GFOD1: variants seen among roughly 807,000 people sequenced by gnomAD.
The protein encoded by GFOD1 is glucose-fructose oxidoreductase domain-containing protein 1.
In GFOD1, 9 loss-of-function variants were observed where a neutral mutation model predicts 25.4. The ratio of observed to expected loss-of-function variants is 0.35; its 90% confidence interval spans 0.21 to 0.62. The LOEUF is 0.62. Ranked by LOEUF, GFOD1 falls within the 20% of genes least tolerant of loss-of-function variation. The pLI, the probability that GFOD1 is intolerant of heterozygous loss-of-function variation, is 0.72. For missense variants in GFOD1, 403 were observed against 556.9 expected (o/e 0.72, Z 2.78); for synonymous variants, 253 against 245.6 (o/e 1.03, Z -0.28).
In GFOD1 at chr6:13,486,773, C is replaced by T. The variant is rs769250810; in HGVS notation, c.118G>A (p.Glu40Lys). The change falls in exon 1 of 2, where the codon GAG (glutamate) becomes AAG (lysine). Residue 40 changes from glutamate to lysine, a missense_variant. Physicochemically the swap from Glu to Lys is moderately conservative, Grantham distance 56. Transcript: ENST00000379287. Reference protein sequence around the residue: ...ALWGRTQEEAEELAKEMSVPF... With the variant: ...ALWGRTQEEAKELAKEMSVPF... The stretch of plus-strand genomic sequence containing the variant: ...ACACTCATCTCCTTGGCCAGCTCCT[C>T]CGCTTCTTCCTGCGTGCGGCCCCAC... The T allele has an allele frequency of 1.9e-6, 3 of 1,614,172 alleles. No homozygotes were observed. The South Asian group carries it at 3.3e-5, about 18-fold the overall frequency.
At chr6:13,414,906 G>C (rs564232899) in intron 1 of GFOD1, among the ~76,000 whole-genome samples, 12 of 152,310 alleles carry the variant, frequency 7.9e-5, no homozygotes, top group Middle Eastern at 3.4e-3. Flanking sequence ...GTGACTCAAA[G>C]TAAAGGCCAT....
intron 1 of GFOD1, among the ~76,000 whole-genome samples, chr6:13,371,710 CT>C (rs372307740): frequency 1.8e-4 from 27 of 152,346 alleles, no homozygotes; most frequent in African/African-American, 6.5e-4. Context: ...GCAAAGTCCC[CT>C]GGTGCTCTCA....
At position 13,364,845 on chromosome 6, in the gene GFOD1, G is replaced by T; in HGVS notation, c.1071C>A (p.Gly357=). ...VDTIKRSSQT[G]EWQNIAIMTE... ...TCATGATGGCAATGTTCTGCCACTC[G>T]CCCGTCTGGCTGGACCTCTTGATGG... The change falls in exon 2 of 2, where the codon GGC becomes GGA. Residue 357 remains glycine (G), a synonymous_variant. Coordinates refer to ENST00000379287, the MANE Select transcript of GFOD1 (RefSeq NM_018988.4). The surrounding 1 kb of genome is among the most constrained non-coding windows in gnomAD (Gnocchi z 4.1). The T allele has an allele frequency of 6.2e-7, 1 of 1,614,016 alleles. No individual in the cohort carries two copies. Among genetic ancestry groups the T allele is most frequent in the Non-Finnish European group, 8.5e-7 (1 of 1,180,030 alleles).
intron 1 of GFOD1, among the ~76,000 whole-genome samples, chr6:13,449,083 T>C (rs533315597): frequency 3.2e-4 from 48 of 152,264 alleles, no homozygotes; most frequent in African/African-American, 8.9e-4. Context: ...AACCAGGGGT[T>C]TGAGACCAGC....
intron 1 of GFOD1, among the ~76,000 whole-genome samples, chr6:13,384,165 G>T (rs1416117160): frequency 6.6e-6 from 1 of 152,202 alleles, no homozygotes; most frequent in Non-Finnish European, 1.5e-5. Flanking sequence ...GATGGAGGTT[G>T]CAGTGAGCCG....
intron 1 of GFOD1, among the ~76,000 whole-genome samples, chr6:13,440,871 TG>T (rs984212692): frequency 2.0e-5 from 3 of 152,248 alleles, no homozygotes; most frequent in Non-Finnish European, 2.9e-5. Flanking sequence ...GTGTCTGTCC[TG>T]CTCTGGATAC....
chr6:13,439,872 C>A (rs1481114746), intron 1 of GFOD1, among the ~76,000 whole-genome samples: 2 of 152,170 alleles, frequency 1.3e-5, no homozygotes, highest in African/African-American at 4.8e-5. Context: ...TACACCCTTG[C>A]TCTAGGATAC....
chr6:13,396,911 A>G lies in GFOD1; in HGVS notation c.254-31249T>C, dbSNP rs147409302. ...GTTTTAAGCCACTAAATTTGTGACA[A>G]TTTATTACAACAGCAAGGGAAACTC... is the stretch of plus-strand genomic sequence containing the variant. On this transcript the variant is annotated intron_variant, in intron 1 of 1. Transcript: ENST00000379287. Among the ~76,000 whole-genome samples, 123 of 152,294 alleles carry G rather than the reference A, an allele frequency of 8.1e-4. 1 individual carries two copies. The highest frequency in any genetic ancestry group is 2.9e-3 in the African/African-American group (121 of 41,564).
At chr6:13,476,857 C>T (rs946647845) in intron 1 of GFOD1, among the ~76,000 whole-genome samples, 2 of 152,150 alleles carry the variant, frequency 1.3e-5, no homozygotes, top group African/African-American at 2.4e-5. Context: ...CCCAAGGCAT[C>T]CCAGACTTGC....
intron 1 of GFOD1, chr6:13,470,096 T>C: frequency 3.5e-6 from 5 of 1,415,870 alleles, no homozygotes; most frequent in Non-Finnish European, 4.7e-6. Context: ...GTTGAATTCG[T>C]TTGAAAAACC....
rs1784914952 is a variant in GFOD1 at position 13,359,467 on chromosome 6, C to G, written c.*5276G>C. The G allele has an allele frequency of 6.6e-6, 1 of 152,056 alleles. No individual in the cohort carries two copies. Among genetic ancestry groups the G allele is most frequent in the Admixed American group, 6.6e-5 (1 of 15,236 alleles). 9.4% of individuals were successfully genotyped at this position (152,056 alleles called of 1,614,324 possible). On this transcript the variant is annotated 3_prime_UTR_variant, in exon 2 of 2. Transcript: ENST00000379287. The stretch of plus-strand genomic sequence containing the variant: ...AATATCTAGGAGTGGGGTGGGGATG[C>G]AGGTGGAGGGTGAGCCAAGTAGACC...
chr6:13,390,715 C>A (rs1366140564), intron 1 of GFOD1, among the ~76,000 whole-genome samples: 1 of 109,832 alleles, frequency 9.1e-6, no homozygotes, highest in Non-Finnish European at 1.8e-5. Context: ...GACAGTGAGA[C>A]CCTGTGAAAA....
At chr6:13,393,676 T>C (rs1048113729) in intron 1 of GFOD1, among the ~76,000 whole-genome samples, 4 of 152,138 alleles carry the variant, frequency 2.6e-5, no homozygotes, top group Admixed American at 1.3e-4. Flanking sequence ...AAATCATTGA[T>C]TACAAACAAC....
At chr6:13,470,008 A>G (rs1584670644) in intron 1 of GFOD1, 1 of 1,342,650 alleles carries the variant, frequency 7.4e-7, no homozygotes, top group Admixed American at 2.1e-5. Context: ...TATGCCTTTG[A>G]CCTTTTCTAA....
rs984144990 is a variant in GFOD1, at chr6:13,359,046, A to T, written c.*5697T>A. On this transcript the variant is annotated 3_prime_UTR_variant, in exon 2 of 2. Transcript: ENST00000379287. ...AGTACCGGCTTCACCTCCAGATGCC[A>T]CTGGGAACACTGAGCCCATCACCTT... The T allele has an allele frequency of 2.0e-5, 3 of 152,324 alleles. No individual in the cohort carries two copies. Among genetic ancestry groups the T allele is most frequent in the African/African-American group, 7.2e-5 (3 of 41,468 alleles). The allele number at this position is 152,324 out of a possible 1,614,324, so 9.4% of individuals were successfully genotyped here.
At chr6:13,391,869 C>T (rs768840694) in intron 1 of GFOD1, among the ~76,000 whole-genome samples, 2 of 152,146 alleles carry the variant, frequency 1.3e-5, no homozygotes, top group Admixed American at 6.5e-5. Context: ...TCAATTCTAC[C>T]GATGGTCATT....
chr6:13,442,414 G>A (rs965397211), intron 1 of GFOD1, among the ~76,000 whole-genome samples: 1 of 152,022 alleles, frequency 6.6e-6, no homozygotes. Flanking sequence ...CAATATTTCA[G>A]ACTTTTTCAT....
intron 1 of GFOD1, among the ~76,000 whole-genome samples, chr6:13,397,251 A>C (rs1035371442): frequency 1.3e-5 from 2 of 152,214 alleles, no homozygotes; most frequent in Admixed American, 1.3e-4. Flanking sequence ...ACAGATTCTT[A>C]ATAAAGTAAA....
intron 1 of GFOD1, among the ~76,000 whole-genome samples, chr6:13,452,904 T>A (rs1758123572): frequency 6.6e-6 from 1 of 152,176 alleles, no homozygotes; most frequent in South Asian, 2.1e-4. Context: ...AAATATCTAG[T>A]TAGACAGTCC....
Sources: gnomAD v4.1 joint callset for allele counts (sites outside exome capture counted in the v4.1 genomes callset) on GRCh38, gnomAD v4.1.1 for gene constraint, Gnocchi (gnomAD v3.1) non-coding constraint, MANE v1.5 for transcripts, NCBI Gene and HGNC (gene_info 2026-07-23, HGNC 2026-07-21) for gene names.